DYNLT5: variants seen among roughly 807,000 people sequenced by gnomAD.
The protein encoded by DYNLT5 is dynein light chain Tctex-type family member 5, also known as dynein light chain Tctex-type 5.
In DYNLT5, 25 loss-of-function variants were observed where a neutral mutation model predicts 19.3. The ratio of observed to expected loss-of-function variants is 1.30; its 90% CI spans 0.95 to 1.81. The LOEUF (loss-of-function observed/expected upper bound fraction) is 1.81. Among genes scored for constraint, DYNLT5 ranks in the 40% most tolerant of loss-of-function variants. DYNLT5 has a pLI of 0.00. For synonymous variants in DYNLT5, 82 were observed against 68.9 expected (o/e 1.19, Z -0.94); for missense variants, 232 against 217.9 (o/e 1.06, Z -0.41).
chr1:66,761,201 T>C (rs2094645414), intron 2 of DYNLT5, among the ~76,000 whole-genome samples: 1 of 152,224 alleles, frequency 6.6e-6, no homozygotes, highest in Admixed American at 6.5e-5. Context: ...ATAAAGTGTA[T>C]TTTGCAATAA....
At chr1:66,775,336 A>G (rs1224549831) in intron 3 of DYNLT5, 1 of 152,250 alleles carries the variant, frequency 6.6e-6, no homozygotes, top group African/African-American at 2.4e-5. Flanking sequence ...GGAAGACTAT[A>G]TAAGGTAATA....
At chr1:66,766,139 C>T (rs574704611) in intron 2 of DYNLT5, among the ~76,000 whole-genome samples, 7 of 152,264 alleles carry the variant, frequency 4.6e-5, no homozygotes, top group Non-Finnish European at 8.8e-5. Flanking sequence ...CTCTGGGACA[C>T]GTTTTGCCAA....
intron 2 of DYNLT5, among the ~76,000 whole-genome samples, chr1:66,757,011 C>T (rs2094637135): frequency 6.6e-6 from 1 of 152,222 alleles, no homozygotes. Flanking sequence ...TCTATGACCA[C>T]CTTTACCTCC....
rs1178385030 is a variant in DYNLT5, at chr1:66,754,667, G to T, written c.9G>T (p.Met3Ile). 1 of 1,608,542 alleles carries T rather than the reference G, an allele frequency of 6.2e-7. No homozygotes were observed. Among genetic ancestry groups the T allele is most frequent in the Non-Finnish European group, 8.5e-7 (1 of 1,178,272 alleles). MMMSDNAKGRAAH... is the reference protein window; with the variant it reads MMISDNAKGRAAH... Reference sequence around the variant, plus strand: ...GTCTTCTTCCATAGGTTATGATGATGTCAGACAATGCTAAAGGCAGAGCAG... The same window carrying T: ...GTCTTCTTCCATAGGTTATGATGATTTCAGACAATGCTAAAGGCAGAGCAG... The change falls in exon 2 of 5, where the codon ATG (methionine) becomes ATT (isoleucine). Residue 3 changes from methionine to isoleucine, a missense_variant. Physicochemically the swap from Met to Ile is conservative, Grantham distance 10. Transcript: ENST00000282670.
intron 2 of DYNLT5, among the ~76,000 whole-genome samples, chr1:66,756,573 T>C (rs2094636377): frequency 6.6e-6 from 1 of 152,188 alleles, no homozygotes; most frequent in African/African-American, 2.4e-5. Context: ...ATGTAAAACA[T>C]TCTGAAGTTT....
intron 1 of DYNLT5, among the ~76,000 whole-genome samples, chr1:66,753,890 C>T (rs956588994): frequency 6.6e-6 from 1 of 151,668 alleles, no homozygotes; most frequent in East Asian, 1.9e-4. Context: ...TTTGAAGTTA[C>T]GGTGAGCTAT....
At chr1:66,753,437 T>A (rs1398918818) in intron 1 of DYNLT5, among the ~76,000 whole-genome samples, 6 of 152,198 alleles carry the variant, frequency 3.9e-5, no homozygotes, top group African/African-American at 1.4e-4. Flanking sequence ...GGGAAGTCCA[T>A]TGCTACTACC....
chr1:66,770,310 T>G (rs1432067331), intron 2 of DYNLT5, 77 bp from the exon 3 acceptor site: 7 of 976,464 alleles, frequency 7.2e-6, no homozygotes, highest in African/African-American at 1.6e-5. Flanking sequence ...TTTGTAACAT[T>G]TTAGCTTAAA....
chr1:66,766,474 A>T (rs2094655513), intron 2 of DYNLT5, among the ~76,000 whole-genome samples: 2 of 152,234 alleles, frequency 1.3e-5, no homozygotes, highest in Admixed American at 1.3e-4. Context: ...ATCAATAGAA[A>T]ATATGCCCAG....
intron 2 of DYNLT5, chr1:66,755,630 C>A (rs1200859240): frequency 2.6e-5 from 4 of 152,100 alleles, no homozygotes; most frequent in East Asian, 3.8e-4. Flanking sequence ...AAACCAAAAT[C>A]TTTCTATTCT....
rs570005931 is a variant in DYNLT5 at position 66,777,296 on chromosome 1, C to T, written c.382C>T (p.Leu128=). 2.5e-5 allele frequency: 41 copies of T among 1,613,754 alleles called. No individual in the cohort carries two copies. In the South Asian group the frequency reaches 4.4e-4, roughly 17 times the overall value. Reference sequence around the variant, plus strand: ...GGACTTGATGATTCCACGGTATAAACTAATTGTGATTGTTCACATTGGACA... The same window carrying T: ...GGACTTGATGATTCCACGGTATAAATTAATTGTGATTGTTCACATTGGACA... ...VKDLMIPRYK[L]IVIVHIGQLN... Residue 128 remains leucine (L), a synonymous_variant, in exon 5 of 5, where the codon CTA becomes TTA. Transcript: ENST00000282670.
intron 3 of DYNLT5, among the ~76,000 whole-genome samples, chr1:66,774,232 T>C (rs988263693): frequency 2.0e-5 from 3 of 152,068 alleles, no homozygotes; most frequent in African/African-American, 7.2e-5. Context: ...CAGAGTCACA[T>C]GGTAACTTTT....
chr1:66,777,204 G>A (rs1365959692), intron 4 of DYNLT5, 47 bp from the exon 5 acceptor site: 1 of 1,505,372 alleles, frequency 6.6e-7, no homozygotes, highest in Non-Finnish European at 9.2e-7. Flanking sequence ...ATGCTTTTGA[G>A]TTTCAATGTA....
intron 2 of DYNLT5, among the ~76,000 whole-genome samples, chr1:66,765,018 G>A (rs187454060): frequency 6.6e-6 from 1 of 152,234 alleles, no homozygotes; most frequent in Admixed American, 6.5e-5. Flanking sequence ...TTTTTGAGCA[G>A]AAGGGCTCTT....
chr1:66,770,593 C>A, intron 3 of DYNLT5, 115 bp downstream of exon 3: 1 of 854,542 alleles, frequency 1.2e-6, no homozygotes, highest in Non-Finnish European at 2.0e-6. Flanking sequence ...ATATAAGGGA[C>A]TTTAATGAAT....
intron 2 of DYNLT5, among the ~76,000 whole-genome samples, chr1:66,757,018 C>T (rs181776197): frequency 1.2e-4 from 18 of 152,334 alleles, no homozygotes; most frequent in Admixed American, 1.1e-3. Context: ...CCACCTTTAC[C>T]TCCAGACTGC....
At chr1:66,773,232 T>C (rs187954845) in intron 3 of DYNLT5, among the ~76,000 whole-genome samples, 4 of 152,222 alleles carry the variant, frequency 2.6e-5, no homozygotes, top group East Asian at 3.9e-4. Context: ...CCAAACTAGA[T>C]TGGCGGCCAT....
intron 2 of DYNLT5, among the ~76,000 whole-genome samples, chr1:66,769,247 G>A (rs1645187557): frequency 6.6e-6 from 1 of 152,106 alleles, no homozygotes; most frequent in African/African-American, 2.4e-5. Context: ...CATGAAAAAA[G>A]CAGCCAGAAT....
chr1:66,775,483 A>T (rs138878007), intron 3 of DYNLT5: 23 of 152,358 alleles, frequency 1.5e-4, no homozygotes, highest in Middle Eastern at 3.4e-3. Flanking sequence ...AAATTCAGAA[A>T]TCATACATTA....
Sources: allele counts gnomAD v4.1 joint callset (sites outside exome capture counted in the v4.1 genomes callset), GRCh38; gene constraint gnomAD v4.1.1; transcripts MANE v1.5; gene names NCBI Gene and HGNC (gene_info 2026-07-23, HGNC 2026-07-21).